The following CNTNAP2 variants were observed in gnomAD, a reference collection of about 807,000 sequenced individuals.
CNTNAP2 encodes the protein contactin-associated protein-like 2.
In CNTNAP2, 98 loss-of-function variants were observed where a neutral mutation model predicts 155.2. The observed-to-expected ratio is 0.63, with a 90% CI of 0.54 to 0.75. CNTNAP2 has a LOEUF of 0.75. CNTNAP2 is among the 30% of genes least tolerant of loss of function. The pLI is 0.00. For synonymous variants in CNTNAP2, 651 were observed against 631.2 expected (o/e 1.03, Z -0.47); for missense variants, 1,727 against 1,688.1 (o/e 1.02, Z -0.40).
chr7:147,864,238 A>G (rs1799187195), intron 13 of CNTNAP2, among the ~76,000 whole-genome samples: 2 of 152,162 alleles, frequency 1.3e-5, no homozygotes, highest in Non-Finnish European at 2.9e-5. Context: ...CAATGGTTAT[A>G]GATGTGTGGT....
At chr7:146,548,342 C>T (rs558910431) in intron 1 of CNTNAP2, among the ~76,000 whole-genome samples, 3 of 151,934 alleles carry the variant, frequency 2.0e-5, no homozygotes, top group Non-Finnish European at 2.9e-5. Flanking sequence ...GTATGTGTAC[C>T]ACATTTTCTT....
chr7:148,096,277 GCA>G (rs1488788489), intron 15 of CNTNAP2, among the ~76,000 whole-genome samples: 20 of 126,768 alleles, frequency 1.6e-4, no homozygotes, highest in African/African-American at 5.0e-4. Flanking sequence ...GTGCATGCAT[GCA>G]TGTGTGTGTG....
intron 13 of CNTNAP2, among the ~76,000 whole-genome samples, chr7:147,849,435 G>C (rs117890735): frequency 6.6e-6 from 1 of 152,322 alleles, no homozygotes; most frequent in Non-Finnish European, 1.5e-5. Flanking sequence ...TGCTGAATAA[G>C]AGTCAGGATT....
chr7:146,960,518 A>G (rs972138564), intron 3 of CNTNAP2, among the ~76,000 whole-genome samples: 29 of 152,178 alleles, frequency 1.9e-4, no homozygotes, highest in Admixed American at 7.9e-4. Context: ...TGTGGCATTC[A>G]GAAAAATTAC....
chr7:147,617,470 AT>A (rs1286414804), intron 12 of CNTNAP2, among the ~76,000 whole-genome samples: 2 of 152,092 alleles, frequency 1.3e-5, no homozygotes, highest in African/African-American at 4.8e-5. Flanking sequence ...AACTTATGAC[AT>A]TTTTTATGTA....
At chr7:147,430,193 C>A (rs1797442104) in intron 10 of CNTNAP2, among the ~76,000 whole-genome samples, 1 of 152,090 alleles carries the variant, frequency 6.6e-6, no homozygotes, top group Non-Finnish European at 1.5e-5. Flanking sequence ...TCACCATGAG[C>A]CAAATACAAT....
chr7:146,992,699 T>C (rs1798231872), intron 3 of CNTNAP2, among the ~76,000 whole-genome samples: 1 of 151,758 alleles, frequency 6.6e-6, no homozygotes, highest in Admixed American at 6.5e-5. Flanking sequence ...AAAGTAGTCA[T>C]ACTAAGATTT....
At position 147,970,348 on chromosome 7, in the gene CNTNAP2, A is replaced by G. The variant is rs566458537; in HGVS notation, c.2256-7514A>G. ...TCCAGGAAAATTCTTATAGGTTTTTACCTTTTGACCTACTTTTTCTAAACA... is the reference window on the plus strand; with the variant it reads ...TCCAGGAAAATTCTTATAGGTTTTTGCCTTTTGACCTACTTTTTCTAAACA... On this transcript the variant is annotated intron_variant, in intron 14 of 23. Transcript: ENST00000361727. 3.3e-5 allele frequency among the ~76,000 whole-genome samples: 5 copies of G among 152,316 alleles called. No homozygotes were observed. In the East Asian group the frequency reaches 7.7e-4, roughly 23 times the overall value.
At chr7:146,590,922 G>C (rs901802969) in intron 1 of CNTNAP2, among the ~76,000 whole-genome samples, 1 of 152,048 alleles carries the variant, frequency 6.6e-6, no homozygotes, top group African/African-American at 2.4e-5. Flanking sequence ...TATATTAATG[G>C]TATGTTAGAT....
chr7:147,417,090 A>C (rs1369455689), intron 10 of CNTNAP2, among the ~76,000 whole-genome samples: 2 of 10,246 alleles, frequency 2.0e-4, no homozygotes, highest in African/African-American at 1.4e-3. Flanking sequence ...CTCTGGTCTC[A>C]AAAAAAAAAA....
rs777684780 is a variant in CNTNAP2, at chr7:148,415,383, G to GTCTAACCTCTCGTGCTTCTCCT, written c.3797-32_3797-11dup. 6 of 1,608,608 alleles carry GTCTAACCTCTCGTGCTTCTCCT rather than the reference G, an allele frequency of 3.7e-6. No homozygotes were observed. In the South Asian group the frequency reaches 5.5e-5, roughly 15 times the overall value. ...AGTGTTGGAGGGACTCCCAAGCCCT[G>GTCTAACCTCTCGTGCTTCTCCT]TCTAACCTCTCGTGCTTCTCCTTTC... On this transcript the variant is annotated intron_variant, in intron 23 of 23. Coordinates refer to ENST00000361727, the MANE Select transcript of CNTNAP2 (RefSeq NM_014141.6).
At chr7:148,335,124 T>G (rs920429924) in intron 21 of CNTNAP2, among the ~76,000 whole-genome samples, 2 of 152,040 alleles carry the variant, frequency 1.3e-5, no homozygotes, top group African/African-American at 2.4e-5. Flanking sequence ...AAAATATAAT[T>G]AACACGGCAG....
intron 1 of CNTNAP2, among the ~76,000 whole-genome samples, chr7:146,448,990 C>T (rs1796441189): frequency 6.6e-6 from 1 of 152,040 alleles, no homozygotes; most frequent in Non-Finnish European, 1.5e-5. Flanking sequence ...GCCACAGCTC[C>T]CTAAGGCTCT....
chr7:147,799,823 T>C (rs1797956722), intron 13 of CNTNAP2, among the ~76,000 whole-genome samples: 1 of 152,156 alleles, frequency 6.6e-6, no homozygotes, highest in African/African-American at 2.4e-5. Context: ...GAAAGGAAGA[T>C]TGGGTCAAGT....
At chr7:146,269,632 C>T (rs537664482) in intron 1 of CNTNAP2, among the ~76,000 whole-genome samples, 1 of 152,244 alleles carries the variant, frequency 6.6e-6, no homozygotes, top group Non-Finnish European at 1.5e-5. Flanking sequence ...CTGTTGAAGT[C>T]TTTGTGTTGG....
chr7:147,953,226 CT>C (rs941841058), intron 14 of CNTNAP2, among the ~76,000 whole-genome samples: 2 of 152,180 alleles, frequency 1.3e-5, no homozygotes, highest in African/African-American at 4.8e-5. Context: ...TCTCTTCCCC[CT>C]AAACTGAAAG....
chr7:147,007,083 G>A (rs899129479), intron 3 of CNTNAP2, among the ~76,000 whole-genome samples: 1 of 152,020 alleles, frequency 6.6e-6, no homozygotes, highest in African/African-American at 2.4e-5. Context: ...TACATATGTC[G>A]CATGTTTCAT....
intron 10 of CNTNAP2, among the ~76,000 whole-genome samples, chr7:147,402,262 G>T (rs184664918): frequency 2.0e-5 from 3 of 152,190 alleles, no homozygotes; most frequent in Middle Eastern, 3.4e-3. Context: ...TATGCAATAC[G>T]TTATCACCAC....
intron 13 of CNTNAP2, among the ~76,000 whole-genome samples, chr7:147,735,692 C>G (rs1419505711): frequency 4.6e-5 from 7 of 152,232 alleles, no homozygotes; most frequent in Non-Finnish European, 7.4e-5. Context: ...CTTGCTTTAT[C>G]AATCTGGGTG....
Sources: allele counts gnomAD v4.1 joint callset (sites outside exome capture counted in the v4.1 genomes callset), GRCh38; gene constraint gnomAD v4.1.1; transcripts MANE v1.5; gene names NCBI Gene and HGNC (gene_info 2026-07-23, HGNC 2026-07-21).